Variants in SPTLC3 observed in about 807,000 individuals in gnomAD.
SPTLC3 encodes the protein serine palmitoyltransferase 3.
A neutral mutation model predicts 59.3 loss-of-function variants in SPTLC3; 36 were observed. The observed-to-expected ratio is 0.61, with a 90% CI of 0.47 to 0.80. The LOEUF is 0.80. SPTLC3 is among the 30% of genes least tolerant of loss of function. SPTLC3 has a pLI of 0.00. For missense variants in SPTLC3, 625 were observed against 685.1 expected, an observed-to-expected ratio of 0.91 and a Z score of 0.98; for synonymous variants, 257 against 240.8, an observed-to-expected ratio of 1.07 and a Z score of -0.62.
chr20:13,062,802 T>C (rs1452561991), intron 2 of SPTLC3, among the ~76,000 whole-genome samples: 1 of 152,234 alleles, frequency 6.6e-6, no homozygotes, highest in Non-Finnish European at 1.5e-5. Flanking sequence ...ACTACTTCAT[T>C]CCTTTTAATA....
intron 2 of SPTLC3, among the ~76,000 whole-genome samples, chr20:13,064,210 T>C (rs549594557): frequency 2.2e-4 from 33 of 151,968 alleles, no homozygotes; most frequent in Non-Finnish European, 4.0e-4. Context: ...TTTTTAACGA[T>C]ATTTCTAATA....
chr20:13,110,162 C>G lies in SPTLC3; in HGVS notation c.877C>G (p.Pro293Ala). Residue 293 changes from proline to alanine, a missense_variant, in exon 7 of 12, where the codon CCT (proline) becomes GCT (alanine). Transcript: ENST00000399002. ...GAGAGATGCTGTCATCTATGGCCAG[C>G]CTCGAACCCGCAGAGCTTGGAAAAA... ...LLRDAVIYGQ[P>A]RTRRAWKKIL... 6.2e-7 allele frequency: 1 copy of G among 1,613,634 alleles called. No individual in the cohort carries two copies. The highest frequency in any genetic ancestry group is 8.5e-7 in the Non-Finnish European group (1 of 1,179,742).
chr20:13,088,946 C>G (rs1022440607), intron 4 of SPTLC3, among the ~76,000 whole-genome samples: 1 of 152,070 alleles, frequency 6.6e-6, no homozygotes, highest in Non-Finnish European at 1.5e-5. Context: ...ACTTGTTTTA[C>G]TATGCCTTCT....
Position 13,040,200 on chromosome 20 carries a change from C to T in SPTLC3, c.118-8745C>T, listed in dbSNP as rs1001493225. On this transcript the variant is annotated intron_variant, in intron 1 of 11. Transcript: ENST00000399002. ...CTCTAATTGCCATGTTGTATAATTT[C>T]CTTAATTCAATATAGTTTTGCTCAC... Among the ~76,000 whole-genome samples, 8 of 151,790 alleles carry T rather than the reference C, an allele frequency of 5.3e-5. No individual in the cohort carries two copies. In the South Asian group the frequency reaches 8.3e-4, roughly 16 times the overall value.
At chr20:13,122,920 G>A (rs1027180761) in intron 8 of SPTLC3, among the ~76,000 whole-genome samples, 1 of 152,182 alleles carries the variant, frequency 6.6e-6, no homozygotes, top group East Asian at 1.9e-4. Context: ...ACCTTAGAAT[G>A]TAACCCTGTG....
intron 6 of SPTLC3, among the ~76,000 whole-genome samples, chr20:13,102,880 T>A (rs1318282648): frequency 1.3e-5 from 2 of 152,186 alleles, no homozygotes; most frequent in Non-Finnish European, 2.9e-5. Context: ...CTTCATCTCA[T>A]GCCTACAGAG....
chr20:13,031,657 G>T (rs1035020407), intron 1 of SPTLC3, among the ~76,000 whole-genome samples: 1 of 152,092 alleles, frequency 6.6e-6, no homozygotes, highest in African/African-American at 2.4e-5. Context: ...ATGAGGCTGG[G>T]TGCTGTAAGA....
intron 9 of SPTLC3, among the ~76,000 whole-genome samples, chr20:13,133,433 C>T (rs911801474): frequency 6.6e-6 from 1 of 152,108 alleles, no homozygotes; most frequent in South Asian, 2.1e-4. Flanking sequence ...TAGATAGAAA[C>T]CATTAAATCT....
chr20:13,143,233 C>T (rs2038427194), intron 9 of SPTLC3, among the ~76,000 whole-genome samples: 1 of 152,092 alleles, frequency 6.6e-6, no homozygotes, highest in African/African-American at 2.4e-5. Flanking sequence ...GTTATGTAGA[C>T]AAGAGGGACC....
intron 6 of SPTLC3, among the ~76,000 whole-genome samples, chr20:13,107,400 T>G (rs1308799320): frequency 6.6e-6 from 1 of 152,092 alleles, no homozygotes; most frequent in Non-Finnish European, 1.5e-5. Flanking sequence ...GAAAAACTAA[T>G]GAAAAATGGT....
chr20:13,141,420 C>A (rs2038380952), intron 9 of SPTLC3, among the ~76,000 whole-genome samples: 1 of 152,176 alleles, frequency 6.6e-6, no homozygotes, highest in Admixed American at 6.5e-5. Context: ...TAAAAAAAAT[C>A]TTCTCACATT....
chr20:13,126,600 G>A lies in SPTLC3; in HGVS notation c.1162G>A (p.Asp388Asn). 6.2e-7 allele frequency: 1 copy of A among 1,613,238 alleles called. No homozygotes were observed. The highest frequency in any genetic ancestry group is 8.5e-7 in the Non-Finnish European group (1 of 1,179,718). Reference protein sequence around the residue: ...GYIAGRKDLVDYLRVHSHSAV... With the variant: ...GYIAGRKDLVNYLRVHSHSAV... ...CCCCTCTTTATTTAAGGACCTCGTG[G>A]ATTATTTACGGGTTCACTCGCATAG... The change falls in exon 9 of 12, where the codon GAT becomes AAT. Residue 388 changes from aspartate to asparagine, a missense_variant. Physicochemically the swap from Asp to Asn is conservative, Grantham distance 23. Coordinates refer to ENST00000399002, the MANE Select transcript of SPTLC3 (RefSeq NM_018327.4).
chr20:13,112,255 AC>A (rs1418941640), intron 7 of SPTLC3, among the ~76,000 whole-genome samples: 1 of 152,116 alleles, frequency 6.6e-6, no homozygotes, highest in Admixed American at 6.5e-5. Context: ...ATCCAAAATT[AC>A]CCCACTTGCA....
intron 9 of SPTLC3, among the ~76,000 whole-genome samples, chr20:13,136,577 G>C (rs1315005691): frequency 3.3e-5 from 5 of 149,734 alleles, no homozygotes; most frequent in African/African-American, 1.2e-4. Flanking sequence ...TCCAGCCTGG[G>C]CAACAGAGTG....
At chr20:13,011,056 A>G (rs961567206) in intron 1 of SPTLC3, among the ~76,000 whole-genome samples, 1 of 152,170 alleles carries the variant, frequency 6.6e-6, no homozygotes, top group African/African-American at 2.4e-5. Context: ...TGTCTCAGAC[A>G]TATTTAGGTG....
At chr20:13,117,434 AT>A in intron 7 of SPTLC3, 71 bp from the exon 8 acceptor site, 1 of 1,390,946 alleles carries the variant, frequency 7.2e-7, no homozygotes, top group Non-Finnish European at 9.8e-7. Flanking sequence ...TCTAGGATGT[AT>A]TGATGGGGAA....
chr20:13,130,008 G>A (rs1393360233), intron 9 of SPTLC3, among the ~76,000 whole-genome samples: 1 of 152,090 alleles, frequency 6.6e-6, no homozygotes, highest in African/African-American at 2.4e-5. Context: ...GAGAATGAGG[G>A]AGAAATATAG....
At chr20:13,116,948 G>A (rs545835662) in intron 7 of SPTLC3, among the ~76,000 whole-genome samples, 71 of 152,218 alleles carry the variant, frequency 4.7e-4, no homozygotes, top group South Asian at 3.3e-3. Context: ...GAGACACCTC[G>A]GTCTTTGACT....
At position 13,055,951 on chromosome 20, in the gene SPTLC3, G is replaced by C. The variant is rs900381202; in HGVS notation, c.303+6821G>C. Among the ~76,000 whole-genome samples the C allele has an allele frequency of 4.6e-5, 7 of 152,130 alleles. No homozygotes were observed. The East Asian group carries it at 1.4e-3, about 29-fold the overall frequency. ...CATCTGAGCTGAGGGAAGGGGGCTA[G>C]ATCTTTTTACTCCTGCATTGATAGA... On this transcript the variant is annotated intron_variant, in intron 2 of 11. Coordinates refer to ENST00000399002, the MANE Select transcript of SPTLC3 (RefSeq NM_018327.4).
Sources: gnomAD v4.1 joint callset for allele counts (sites outside exome capture counted in the v4.1 genomes callset) on GRCh38, gnomAD v4.1.1 for gene constraint, MANE v1.5 for transcripts, NCBI Gene and HGNC (gene_info 2026-07-23, HGNC 2026-07-21) for gene names.